Variants in FES observed in about 807,000 individuals in gnomAD.
The protein encoded by FES is FES proto-oncogene, tyrosine kinase.
Under a neutral mutation model 109.6 loss-of-function variants are expected in FES, and 83 were observed. The ratio of observed to expected loss-of-function variants is 0.76; its 90% CI spans 0.63 to 0.91. The LOEUF (loss-of-function observed/expected upper bound fraction) is 0.91, where lower values mean the gene tolerates loss of function less well. Among genes scored for constraint, FES ranks in the 40% least tolerant of loss-of-function variants. The pLI is 0.00. For missense variants in FES, 943 were observed against 1,070.9 expected (o/e 0.88, Z 1.67); for synonymous variants, 458 against 442.1 (o/e 1.04, Z -0.45).
In FES at chr15:90,885,182, G is replaced by C; in HGVS notation, c.137G>C (p.Gly46Ala). The change falls in exon 2 of 19, where the codon GGA becomes GCA. Residue 46 changes from glycine (G) to alanine (A), a missense_variant. By Grantham distance (60) the Gly-to-Ala change is moderately conservative. Transcript: ENST00000328850. ...GTCAAGAGTGACAGGGAGTATGCAG[G>C]ACTGCTTCACCACATGTCCCTGCAG... Reference protein sequence around the residue: ...QRVKSDREYAGLLHHMSLQDS... With the variant: ...QRVKSDREYAALLHHMSLQDS... 6.2e-7 allele frequency: 1 copy of C among 1,613,872 alleles called. No individual in the cohort carries two copies. The highest frequency in any genetic ancestry group is 8.5e-7 in the Non-Finnish European group (1 of 1,180,028).
intron 18 of FES, 146 bp from the exon 19 acceptor site, chr15:90,895,270 T>C (rs1240796872): frequency 2.5e-5 from 16 of 645,752 alleles, no homozygotes; most frequent in Non-Finnish European, 3.4e-5. Context: ...CAGGCCTCTT[T>C]GTCCTTTGGG....
At chr15:90,895,355 A>G (rs1051763347) in intron 18 of FES, 61 bp from the exon 19 acceptor site, 3 of 1,403,852 alleles carry the variant, frequency 2.1e-6, no homozygotes, top group Non-Finnish European at 2.8e-6. Flanking sequence ...TATCCCCCAG[A>G]GTCTGCCGAG....
Position 90,893,956 on chromosome 15 carries a change from G to A in FES, c.2224G>A (p.Asp742Asn), listed in dbSNP as rs758532888. Reference protein sequence around the residue: ...LNYGRYSSESDVWSFGILLWE... With the variant: ...LNYGRYSSESNVWSFGILLWE... Reference sequence around the variant, plus strand: ...TGCAGGCCGCTACTCCTCCGAAAGCGACGTGTGGAGCTTTGGCATCTTGCT... The same window carrying A: ...TGCAGGCCGCTACTCCTCCGAAAGCAACGTGTGGAGCTTTGGCATCTTGCT... Residue 742 changes from aspartate (D) to asparagine (N), a missense_variant, in exon 18 of 19, where the codon GAC (aspartate) becomes AAC (asparagine). Transcript: ENST00000328850. 4 of 1,613,788 alleles carry A rather than the reference G, an allele frequency of 2.5e-6. No homozygotes were observed. Among genetic ancestry groups the A allele is most frequent in the Non-Finnish European group, 3.4e-6 (4 of 1,180,008 alleles).
rs750440663 is a variant in FES, at chr15:90,889,657, T to G, written c.926+21T>G. Reference sequence around the variant, plus strand: ...CACACGTGGGTGGTGGCTTTGCACCTGGGCTGCGGCGGGGCTCCCAGCAGA... The same window carrying G: ...CACACGTGGGTGGTGGCTTTGCACCGGGGCTGCGGCGGGGCTCCCAGCAGA... On this transcript the variant is annotated intron_variant, in intron 7 of 18. Transcript: ENST00000328850. This position sits in a 1 kb window ranked among gnomAD's most constrained non-coding sequence, Gnocchi z 6.1. 1.2e-6 allele frequency: 2 copies of G among 1,611,888 alleles called. No individual in the cohort carries two copies. Among genetic ancestry groups the G allele is most frequent in the East Asian group, 2.2e-5 (1 of 44,860 alleles).
intron 5 of FES, 71 bp downstream of exon 5, chr15:90,887,441 C>T: frequency 6.9e-7 from 1 of 1,450,560 alleles, no homozygotes; most frequent in Non-Finnish European, 9.2e-7. Flanking sequence ...GGCCCAGAGG[C>T]AGGACCCAGA....
chr15:90,893,046 G>A, intron 14 of FES, 54 bp from the exon 15 acceptor site: 1 of 1,568,232 alleles, frequency 6.4e-7, no homozygotes, highest in South Asian at 1.1e-5. Context: ...ATCCCTGGGG[G>A]GCCCTGGGGA....
Position 90,885,450 on chromosome 15 carries a change from C to A in FES, c.252C>A (p.Ser84Arg). ...TCACCAGCCAAACTGAGGGCCTGAG[C>A]CGCTTGCTGCGGCAGCACGCAGAGG... ...AEITSQTEGL[S>R]RLLRQHAEDL... Residue 84 changes from serine (S) to arginine (R), a missense_variant, in exon 3 of 19, where the codon AGC becomes AGA. By Grantham distance (110) the Ser-to-Arg change is moderately radical. Transcript: ENST00000328850. The A allele has an allele frequency of 6.2e-7, 1 of 1,613,310 alleles. No homozygotes were observed. Among genetic ancestry groups the A allele is most frequent in the East Asian group, 2.2e-5 (1 of 44,884 alleles).
At position 90,892,123 on chromosome 15, in the gene FES, T is replaced by G; in HGVS notation, c.1707+12T>G. 6.2e-7 allele frequency: 1 copy of G among 1,613,946 alleles called. No homozygotes were observed. The highest frequency in any genetic ancestry group is 1.1e-5 in the South Asian group (1 of 91,086). On this transcript the variant is annotated intron_variant, in intron 13 of 18. Transcript: ENST00000328850. Reference sequence around the variant, plus strand: ...AGCAGATTGGACGGGTGAGTGCGCCTCTGCTGGCCTCCTTGTCGCTGGCGA... The same window carrying G: ...AGCAGATTGGACGGGTGAGTGCGCCGCTGCTGGCCTCCTTGTCGCTGGCGA...
Position 90,893,326 on chromosome 15 carries a change from GC to G in FES, c.1960del (p.Arg654AlafsTer4). The G allele has an allele frequency of 1.3e-6, 2 of 1,565,776 alleles. No individual in the cohort carries two copies. The highest frequency in any genetic ancestry group is 8.6e-7 in the Non-Finnish European group (1 of 1,157,420). ...CCTGACCTTCCTCCGCACGGAGGGG[GC>G]CCGCCTGCGGGTGAAGACTCTGCTG... ...DFLTFLRTEG[A>X]RLRVKTLLQM... On this transcript the variant is annotated frameshift_variant, in exon 16 of 19. Coordinates refer to ENST00000328850, the MANE Select transcript of FES (RefSeq NM_002005.4). LOFTEE classifies it high-confidence loss of function.
In FES at chr15:90,889,204, G is replaced by A; in HGVS notation, c.669-102G>A. On this transcript the variant is annotated intron_variant, in intron 5 of 18. Transcript: ENST00000328850. This position sits in a 1 kb window ranked among gnomAD's most constrained non-coding sequence, Gnocchi z 6.1. ...ATGGCTAGCTCGAAGTGAGGCAGGG[G>A]TCAACCCCAGCCCTGACTCCAAACC... The A allele has an allele frequency of 6.7e-7, 1 of 1,503,120 alleles. No individual in the cohort carries two copies. Among genetic ancestry groups the A allele is most frequent in the South Asian group, 1.2e-5 (1 of 80,790 alleles). The allele number at this position is 1,503,120 out of a possible 1,614,324, so 93.1% of individuals were successfully genotyped here.
At position 90,885,588 on chromosome 15, in the gene FES, G is replaced by T. The variant is rs752373657; in HGVS notation, c.387+3G>T. Reference sequence around the variant, plus strand: ...AGCTGCAGCAGGAGCTCACCAAGGTGAGCGGGCAGCACTGGGGCTTCGGTC... The same window carrying T: ...AGCTGCAGCAGGAGCTCACCAAGGTTAGCGGGCAGCACTGGGGCTTCGGTC... On this transcript the variant is annotated splice_donor_region_variant and intron_variant, in intron 3 of 18. Coordinates refer to ENST00000328850, the MANE Select transcript of FES (RefSeq NM_002005.4). The T allele has an allele frequency of 2.5e-6, 4 of 1,612,286 alleles. No individual in the cohort carries two copies. The East Asian group carries it at 8.9e-5, about 36-fold the overall frequency.
In FES at chr15:90,895,494, G is replaced by A. The variant is rs1432084427; in HGVS notation, c.2405G>A (p.Gly802Glu). ...LMEQCWAYEP[G>E]QRPSFSTIYQ... is the part of the protein sequence containing the mutation. ...GAGCAGTGCTGGGCCTATGAGCCTG[G>A]GCAGCGGCCCAGCTTCAGCACCATC... Residue 802 changes from glycine to glutamate, a missense_variant, in exon 19 of 19, where the codon GGG becomes GAG. Physicochemically the swap from Gly to Glu is moderately conservative, Grantham distance 98. Transcript: ENST00000328850. 1.3e-6 allele frequency: 2 copies of A among 1,599,008 alleles called. No homozygotes were observed. Among genetic ancestry groups the A allele is most frequent in the Non-Finnish European group, 1.7e-6 (2 of 1,172,002 alleles).
chr15:90,892,109 C>G lies in FES; in HGVS notation c.1705C>G (p.Arg569Gly). 6.2e-7 allele frequency: 1 copy of G among 1,614,006 alleles called. No homozygotes were observed. Among genetic ancestry groups the G allele is most frequent in the South Asian group, 1.1e-5 (1 of 91,086 alleles). ...EDLVLGEQIGRGNFGEVFSGR... is the reference protein window; with the variant it reads ...EDLVLGEQIGGGNFGEVFSGR... Reference sequence around the variant, plus strand: ...CCTGGTGTTGGGTGAGCAGATTGGACGGGTGAGTGCGCCTCTGCTGGCCTC... The same window carrying G: ...CCTGGTGTTGGGTGAGCAGATTGGAGGGGTGAGTGCGCCTCTGCTGGCCTC... Residue 569 changes from arginine to glycine, a missense_variant and splice_region_variant, in exon 13 of 19, where the codon CGG (arginine) becomes GGG (glycine). Transcript: ENST00000328850.
intron 3 of FES, 58 bp downstream of exon 3, chr15:90,885,643 G>T (rs565971588): frequency 1.3e-6 from 2 of 1,569,840 alleles, no homozygotes; most frequent in African/African-American, 1.4e-5. Flanking sequence ...GCCTCGAAGG[G>T]GTTGTTTTGC....
At position 90,887,291 on chromosome 15, in the gene FES, C is replaced by T. The variant is rs1473650663; in HGVS notation, c.589C>T (p.His197Tyr). ...VLGVRAAQLH[H>Y]QHHHQLLLPG... Reference sequence around the variant, plus strand: ...GGGCGTGCGGGCTGCGCAGCTACACCACCAGCACCACCACCAGCTCCTGCT... The same window carrying T: ...GGGCGTGCGGGCTGCGCAGCTACACTACCAGCACCACCACCAGCTCCTGCT... Residue 197 changes from histidine to tyrosine, a missense_variant, in exon 5 of 19, where the codon CAC becomes TAC. Transcript: ENST00000328850. 6.2e-7 allele frequency: 1 copy of T among 1,613,236 alleles called. No individual in the cohort carries two copies. Among genetic ancestry groups the T allele is most frequent in the Admixed American group, 1.7e-5 (1 of 60,026 alleles).
intron 4 of FES, 21 bp from the exon 5 acceptor site, chr15:90,887,166 C>T (rs753696978): frequency 6.2e-7 from 1 of 1,612,128 alleles, no homozygotes; most frequent in South Asian, 1.1e-5. Flanking sequence ...TCATCTATAC[C>T]CCTTGCCCCC....
intron 1 of FES, 145 bp downstream of exon 1, chr15:90,884,689 C>T (rs969885677): frequency 5.2e-6 from 1 of 193,188 alleles, no homozygotes; most frequent in African/African-American, 2.3e-5. Flanking sequence ...GGGCAGGGCT[C>T]AGGCTGTGGG....
chr15:90,887,672 G>A (rs1242471601), intron 5 of FES, among the ~76,000 whole-genome samples: 1 of 152,222 alleles, frequency 6.6e-6, no homozygotes, highest in African/African-American at 2.4e-5. Context: ...TGTTAGTGGA[G>A]TGAGGATGTG....
chr15:90,891,234 C>T (rs1054611979), intron 11 of FES, 43 bp downstream of exon 11: 3 of 1,536,296 alleles, frequency 2.0e-6, no homozygotes, highest in African/African-American at 1.4e-5. Context: ...CTCACTCTTC[C>T]CCTCCCTTCC....
Sources: gnomAD v4.1 joint callset for allele counts (sites outside exome capture counted in the v4.1 genomes callset) on GRCh38, gnomAD v4.1.1 for gene constraint, Gnocchi (gnomAD v3.1) non-coding constraint, MANE v1.5 for transcripts, NCBI Gene and HGNC (gene_info 2026-07-23, HGNC 2026-07-21) for gene names.